The following ERLIN2 variants were observed in gnomAD, a reference collection of about 807,000 sequenced individuals.
ERLIN2 encodes erlin-2.
Under a neutral mutation model 41.5 loss-of-function variants are expected in ERLIN2, and 22 were observed. That is an observed-to-expected ratio of 0.53 (90% CI 0.38 to 0.76). ERLIN2 has a LOEUF of 0.76. Among genes scored for constraint, ERLIN2 ranks in the 30% least tolerant of loss-of-function variants. The probability of loss-of-function intolerance (pLI) is 0.00; values close to 1 mark genes in which losing one functional copy is unlikely to be tolerated. For missense variants in ERLIN2, 247 were observed against 414.3 expected, an observed-to-expected ratio of 0.60 and a Z score of 3.51; for synonymous variants, 149 against 150.9, an observed-to-expected ratio of 0.99 and a Z score of 0.09.
intron 6 of ERLIN2, among the ~76,000 whole-genome samples, chr8:37,749,197 A>G (rs1259521205): frequency 6.6e-6 from 1 of 152,044 alleles, no homozygotes; most frequent in Admixed American, 6.6e-5. Context: ...TTTTGCTGCT[A>G]TTGTCTAGGG....
In ERLIN2 at chr8:37,741,709, C is replaced by A; in HGVS notation, c.190-63C>A. Reference sequence around the variant, plus strand: ...TTCCAGGACAAAGGCATTTAGGATTCTGAAAAGTAAGTTACTTTGTCACTG... The same window carrying A: ...TTCCAGGACAAAGGCATTTAGGATTATGAAAAGTAAGTTACTTTGTCACTG... On this transcript the variant is annotated intron_variant, in intron 3 of 11. Transcript: ENST00000519638. The surrounding 1 kb of genome is among the most constrained non-coding windows in gnomAD (Gnocchi z 4.8). 7.7e-7 allele frequency: 1 copy of A among 1,293,864 alleles called. No individual in the cohort carries two copies. Among genetic ancestry groups the A allele is most frequent in the Non-Finnish European group, 1.1e-6 (1 of 887,714 alleles). 80.1% of individuals were successfully genotyped at this position (1,293,864 alleles called of 1,614,324 possible).
chr8:37,747,185 A>G (rs1033529814), intron 6 of ERLIN2, among the ~76,000 whole-genome samples: 29 of 152,234 alleles, frequency 1.9e-4, no homozygotes, highest in African/African-American at 6.5e-4. Context: ...GACTCAGTTA[A>G]AGACCTCACT....
intron 10 of ERLIN2, among the ~76,000 whole-genome samples, chr8:37,752,199 A>T (rs1189813593): frequency 6.6e-6 from 1 of 152,240 alleles, no homozygotes; most frequent in African/African-American, 2.4e-5. Flanking sequence ...CACCTGTCAG[A>T]CAGGAGCTGG....
At chr8:37,753,345 C>A in intron 10 of ERLIN2, 105 bp from the exon 11 acceptor site, 1 of 903,850 alleles carries the variant, frequency 1.1e-6, no homozygotes. Flanking sequence ...CAATCAGGGG[C>A]GAAGTTCCAG....
At chr8:37,742,625 A>G (rs1802890956) in intron 4 of ERLIN2, among the ~76,000 whole-genome samples, 1 of 152,114 alleles carries the variant, frequency 6.6e-6, no homozygotes, top group South Asian at 2.1e-4. Context: ...GGACACATGG[A>G]GGGGAACAAC....
Position 37,754,181 on chromosome 8 carries a change from G to C in ERLIN2, c.*66G>C. On this transcript the variant is annotated 3_prime_UTR_variant, in exon 12 of 12. Coordinates refer to ENST00000519638, the MANE Select transcript of ERLIN2 (RefSeq NM_007175.8). ...TTTATTTTTTAAGATGAATCAGAAT[G>C]TTCCTCCCTCCCCGACTACCTTCTC... 8.5e-7 allele frequency: 1 copy of C among 1,179,476 alleles called. No homozygotes were observed. The highest frequency in any genetic ancestry group is 2.5e-5 in the East Asian group (1 of 40,032). The allele number at this position is 1,179,476 out of a possible 1,614,324, so 73.1% of individuals were successfully genotyped here.
At chr8:37,738,054 G>C (rs770390076) in intron 2 of ERLIN2, 25 bp downstream of exon 2, 1 of 1,613,558 alleles carries the variant, frequency 6.2e-7, no homozygotes, top group Non-Finnish European at 8.5e-7. Context: ...GGGAGAAGCC[G>C]GCAACTTCCT....
chr8:37,739,780 C>A (rs1173307956), intron 2 of ERLIN2, among the ~76,000 whole-genome samples: 1 of 151,706 alleles, frequency 6.6e-6, no homozygotes, highest in Non-Finnish European at 1.5e-5. Context: ...TTTCTCTTAT[C>A]TAAGTATACC....
In ERLIN2 at chr8:37,754,681, A is replaced by G. The variant is rs1045754186; in HGVS notation, c.*566A>G. 3 of 174,412 alleles carry G rather than the reference A, an allele frequency of 1.7e-5. No individual in the cohort carries two copies. The highest frequency in any genetic ancestry group is 1.5e-4 in the East Asian group (1 of 6,822). The allele number at this position is 174,412 out of a possible 1,614,324, so 10.8% of individuals were successfully genotyped here. ...GAGGTGTGCTTTCTTGAGCCCTCATAAGGAAGTACTGGTGCTAGGTTTTGC... is the reference window on the plus strand; with the variant it reads ...GAGGTGTGCTTTCTTGAGCCCTCATGAGGAAGTACTGGTGCTAGGTTTTGC... On this transcript the variant is annotated 3_prime_UTR_variant, in exon 12 of 12. Transcript: ENST00000519638.
chr8:37,750,002 G>A (rs569410107), intron 8 of ERLIN2, 150 bp downstream of exon 8: 3 of 747,512 alleles, frequency 4.0e-6, no homozygotes, highest in East Asian at 2.6e-5. Context: ...GATTGGGCAG[G>A]CGTGTCAGGG....
At position 37,743,612 on chromosome 8, in the gene ERLIN2, C is replaced by T. The variant is rs533991307; in HGVS notation, c.237-743C>T. Among the ~76,000 whole-genome samples the T allele has an allele frequency of 2.6e-5, 4 of 152,236 alleles. No homozygotes were observed. The East Asian group carries it at 5.8e-4, about 22-fold the overall frequency. ...GGGGCGAGGCATACACAGGTCAGTC[C>T]ATAACACAAACTGTTGGGGAAATCT... On this transcript the variant is annotated intron_variant, in intron 4 of 11. Coordinates refer to ENST00000519638, the MANE Select transcript of ERLIN2 (RefSeq NM_007175.8).
At chr8:37,747,853 C>T in intron 6 of ERLIN2, 2 of 1,614,214 alleles carry the variant, frequency 1.2e-6, no homozygotes, top group Non-Finnish European at 1.7e-6. Context: ...GTCCCGGGGC[C>T]TCATGGGCAA....
At chr8:37,748,124 T>C in intron 6 of ERLIN2, 1 of 689,830 alleles carries the variant, frequency 1.4e-6, no homozygotes, top group South Asian at 1.7e-5. Context: ...TTAAATGGCA[T>C]TTATCAACAT....
chr8:37,748,314 CTACTTAAAAT>C (rs1252557087), intron 6 of ERLIN2, among the ~76,000 whole-genome samples: 3 of 152,150 alleles, frequency 2.0e-5, no homozygotes, highest in African/African-American at 7.2e-5. Flanking sequence ...GGTTGGTATT[CTACTTAAAAT>C]TACTTAAAAT....
At chr8:37,743,942 T>A (rs1000917283) in intron 4 of ERLIN2, among the ~76,000 whole-genome samples, 5 of 152,246 alleles carry the variant, frequency 3.3e-5, no homozygotes, top group African/African-American at 1.2e-4. Context: ...AAAGGGAGTG[T>A]GACACCAAAG....
At position 37,747,419 on chromosome 8, in the gene ERLIN2, T is replaced by C. The variant is rs769346341; in HGVS notation, c.425-2140T>C. The C allele has an allele frequency of 3.1e-6, 5 of 1,606,882 alleles. No homozygotes were observed. The African/African-American group carries it at 6.7e-5, about 21-fold the overall frequency. ...TCAGCCAGCTCTTGCAGTGGCCTCT[T>C]GCTCATGCCTTTGCGCTCCAGCTGT... On this transcript the variant is annotated intron_variant, in intron 6 of 11. Transcript: ENST00000519638.
chr8:37,750,846 T>C (rs1477555885), intron 9 of ERLIN2, among the ~76,000 whole-genome samples: 2 of 152,064 alleles, frequency 1.3e-5, no homozygotes, highest in East Asian at 3.9e-4. Context: ...CTCAGCCTCC[T>C]GAGTAGCTGG....
At position 37,741,831 on chromosome 8, in the gene ERLIN2, G is replaced by T. The variant is rs1802861518; in HGVS notation, c.236+13G>T. 6.2e-7 allele frequency: 1 copy of T among 1,607,886 alleles called. No individual in the cohort carries two copies. Among genetic ancestry groups the T allele is most frequent in the African/African-American group, 1.3e-5 (1 of 74,878 alleles). On this transcript the variant is annotated intron_variant, in intron 4 of 11. Transcript: ENST00000519638. The surrounding 1 kb of genome is among the most constrained non-coding windows in gnomAD (Gnocchi z 4.8). ...CTTGTGGGACTAGGTAAGGTACCCA[G>T]AATAAAGCTTTTAAGCCCAAATAAG...
At position 37,753,445 on chromosome 8, in the gene ERLIN2, C is replaced by A. The variant is rs191003311; in HGVS notation, c.740-5C>A. 1.9e-6 allele frequency: 3 copies of A among 1,613,524 alleles called. No homozygotes were observed. The highest frequency in any genetic ancestry group is 1.7e-5 in the Admixed American group (1 of 60,000). On this transcript the variant is annotated splice_polypyrimidine_tract_variant and splice_region_variant and intron_variant, in intron 10 of 11. Transcript: ENST00000519638. ...ACCAAGTTCACTGCACTCCTTCCCC[C>A]TCAGATGCTGCATTTCTGGCCCGGG...
Sources: gnomAD v4.1 joint callset for allele counts (sites outside exome capture counted in the v4.1 genomes callset) on GRCh38, gnomAD v4.1.1 for gene constraint, Gnocchi (gnomAD v3.1) non-coding constraint, MANE v1.5 for transcripts, NCBI Gene and HGNC (gene_info 2026-07-23, HGNC 2026-07-21) for gene names.